Variants in DLC1 observed in about 807,000 individuals in gnomAD.
DLC1 encodes DLC1 Rho GTPase activating protein.
In DLC1, 54 loss-of-function variants were observed where a neutral mutation model predicts 140.3. The ratio of observed to expected loss-of-function variants is 0.38; its 90% CI spans 0.31 to 0.48. The LOEUF (loss-of-function observed/expected upper bound fraction) is 0.48, where lower values mean the gene tolerates loss of function less well. DLC1 is among the 20% of genes least tolerant of loss of function. DLC1 has a pLI of 0.96. For synonymous variants in DLC1, 986 were observed against 728.1 expected (o/e 1.35, Z -5.70); for missense variants, 2,536 against 1,907.0 (o/e 1.33, Z -6.14).
chr8:13,347,009 T>C (rs1439206386), intron 4 of DLC1, among the ~76,000 whole-genome samples: 2 of 152,228 alleles, frequency 1.3e-5, no homozygotes, highest in Admixed American at 1.3e-4. Flanking sequence ...GTTATAATTG[T>C]TTTATTATTA....
intron 2 of DLC1, among the ~76,000 whole-genome samples, chr8:13,411,462 A>AG (rs1248724778): frequency 6.6e-6 from 1 of 152,206 alleles, no homozygotes; most frequent in Admixed American, 6.5e-5. Context: ...ATTATATATT[A>AG]TTAGACACCT....
chr8:13,240,600 A>C (rs1023331595), intron 5 of DLC1, among the ~76,000 whole-genome samples: 1 of 151,778 alleles, frequency 6.6e-6, no homozygotes, highest in African/African-American at 2.4e-5. Flanking sequence ...TAATTTTTGT[A>C]TTTTTTGATT....
At chr8:13,517,286 C>G (rs1360535031), upstream of DLC1, among the ~76,000 whole-genome samples, 1 of 152,226 alleles carries the variant, frequency 6.6e-6, no homozygotes, top group East Asian at 1.9e-4. Context: ...ATACTGTACC[C>G]CGCGCCATAT....
At chr8:13,516,987 A>C (rs1292622814), upstream of DLC1, among the ~76,000 whole-genome samples, 1 of 152,160 alleles carries the variant, frequency 6.6e-6, no homozygotes, top group African/African-American at 2.4e-5. Flanking sequence ...TTCTTTATTA[A>C]ATTGGGAAGA....
At chr8:13,586,110 C>G (rs1347974762) in intron 1 of DLC1, among the ~76,000 whole-genome samples, 2 of 152,156 alleles carry the variant, frequency 1.3e-5, no homozygotes, top group Non-Finnish European at 2.9e-5. Context: ...CTCATGGGCT[C>G]TCTCTGCTAA....
intron 4 of DLC1, among the ~76,000 whole-genome samples, chr8:13,343,370 G>A (rs1375240992): frequency 6.6e-6 from 1 of 152,114 alleles, no homozygotes. Flanking sequence ...TCCTGAGATT[G>A]TGCAGTGTGG....
At chr8:13,366,062 C>T (rs1020170305) in intron 4 of DLC1, among the ~76,000 whole-genome samples, 2 of 152,188 alleles carry the variant, frequency 1.3e-5, no homozygotes, top group African/African-American at 4.8e-5. Context: ...AGATTAATTT[C>T]TATGCTTTCA....
chr8:13,170,529 G>C (rs539251861), intron 5 of DLC1, among the ~76,000 whole-genome samples: 10 of 152,192 alleles, frequency 6.6e-5, no homozygotes, highest in East Asian at 1.9e-4. Context: ...AGGAAATCGA[G>C]ACCATCCTGG....
chr8:13,393,438 G>A, intron 4 of DLC1, 115 bp downstream of exon 4: 1 of 1,187,858 alleles, frequency 8.4e-7, no homozygotes, highest in Non-Finnish European at 1.2e-6. Flanking sequence ...ATATCATTAA[G>A]TCACTATGGC....
chr8:13,411,975 A>G (rs182730010), intron 2 of DLC1, among the ~76,000 whole-genome samples: 555 of 152,296 alleles, frequency 3.6e-3, no homozygotes, highest in Non-Finnish European at 5.8e-3. Flanking sequence ...AAATTGTAAA[A>G]TCTTTTTTAA....
intron 6 of DLC1, among the ~76,000 whole-genome samples, chr8:13,112,810 G>C (rs933198833): frequency 2.6e-5 from 4 of 152,058 alleles, no homozygotes. Context: ...GCCTCCCAAA[G>C]TCCTGGGATT....
At chr8:13,193,723 CTT>C (rs1430119192) in intron 5 of DLC1, among the ~76,000 whole-genome samples, 3 of 152,152 alleles carry the variant, frequency 2.0e-5, no homozygotes, top group African/African-American at 7.2e-5. Flanking sequence ...GATTCAACCT[CTT>C]TGAGTGCTTA....
intron 5 of DLC1, among the ~76,000 whole-genome samples, chr8:13,203,373 G>C (rs1055652401): frequency 7.9e-5 from 12 of 152,158 alleles, no homozygotes; most frequent in Admixed American, 7.9e-4. Context: ...TGGGAAATTA[G>C]TAACAGAAAA....
chr8:13,330,825 A>G (rs1252532777), intron 4 of DLC1, among the ~76,000 whole-genome samples: 3 of 152,164 alleles, frequency 2.0e-5, no homozygotes, highest in Non-Finnish European at 2.9e-5. Context: ...CAAACTGAAC[A>G]TGACTCAAAA....
intron 5 of DLC1, among the ~76,000 whole-genome samples, chr8:13,252,919 G>A (rs537694103): frequency 6.6e-6 from 1 of 152,184 alleles, no homozygotes; most frequent in African/African-American, 2.4e-5. Flanking sequence ...GTTTTATCAA[G>A]AACCCAAACA....
chr8:13,320,906 T>C (rs1833075908), intron 4 of DLC1, among the ~76,000 whole-genome samples: 1 of 152,126 alleles, frequency 6.6e-6, no homozygotes, highest in Non-Finnish European at 1.5e-5. Context: ...CCCAGCTGTC[T>C]TTTGCTTCCT....
intron 2 of DLC1, among the ~76,000 whole-genome samples, chr8:13,419,906 A>G (rs1471989323): frequency 6.6e-6 from 1 of 152,304 alleles, no homozygotes; most frequent in South Asian, 2.1e-4. Flanking sequence ...TTATTGGTCT[A>G]TTGAGAGATT....
rs1362226500 is a variant in DLC1, at chr8:13,100,592, A to G, written c.1745T>C (p.Leu582Pro). ...CTCCTGGCGCTCGCTGAGGTCCATC[A>G]GCGTGCCTCCGGGGCTGGGGCCGTC... The part of the protein sequence containing the change: ...PKDGPSPGGT[L>P]MDLSERQEVS... Residue 582 changes from leucine (L) to proline (P), a missense_variant, in exon 9 of 18, where the codon CTG (leucine) becomes CCG (proline). Transcript: ENST00000276297. 1.2e-6 allele frequency: 2 copies of G among 1,613,918 alleles called. No homozygotes were observed. The highest frequency in any genetic ancestry group is 1.7e-5 in the Admixed American group (1 of 60,016).
chr8:13,432,375 T>TA (rs1329455771), intron 2 of DLC1, among the ~76,000 whole-genome samples: 1 of 152,186 alleles, frequency 6.6e-6, no homozygotes, highest in African/African-American at 2.4e-5. Context: ...TGAACAGTGA[T>TA]AAAACAATAT....
Sources: allele counts gnomAD v4.1 joint callset (sites outside exome capture counted in the v4.1 genomes callset), GRCh38; gene constraint gnomAD v4.1.1; transcripts MANE v1.5; gene names NCBI Gene and HGNC (gene_info 2026-07-23, HGNC 2026-07-21).